The following INTS6L variants were observed in gnomAD, a reference collection of about 807,000 sequenced individuals.
INTS6L encodes the protein integrator complex subunit 6-like.
A neutral mutation model predicts 64.7 loss-of-function variants in INTS6L; 18 were observed. That is an observed-to-expected ratio of 0.28 (90% CI 0.19 to 0.41). The LOEUF (loss-of-function observed/expected upper bound fraction) is 0.41. INTS6L is among the 10% of genes least tolerant of loss of function. The probability of loss-of-function intolerance (pLI) is 1.00; values close to 1 mark genes in which losing one functional copy is unlikely to be tolerated. For synonymous variants in INTS6L, 227 were observed against 235.9 expected (o/e 0.96, Z 0.34); for missense variants, 533 against 661.0 (o/e 0.81, Z 2.12).
intron 9 of INTS6L, among the ~76,000 whole-genome samples, chrX:135,558,892 T>C (rs1352149033): frequency 1.9e-5 from 2 of 106,616 alleles, no homozygotes; most frequent in Non-Finnish European, 3.9e-5. Context: ...TTCAAGTGAC[T>C]CTCCCGCCTC....
intron 3 of INTS6L, 68 bp from the exon 4 acceptor site, chrX:135,546,312 C>G (rs2086354723): frequency 1.5e-6 from 1 of 683,858 alleles, no homozygotes; most frequent in African/African-American, 2.3e-5. Context: ...ATTGGCAAGG[C>G]AAATATAAAA....
chrX:135,579,889 A>G lies in INTS6L; in HGVS notation c.2221A>G (p.Met741Val), dbSNP rs1441770260. The part of the protein sequence containing the change: ...SKSAPSELIN[M>V]TGDLMPPNQV... ...ATCTGCTCCATCAGAGCTTATAAATATGACAGGAGATCTTATGCCACCCAA... is the reference window on the plus strand; with the variant it reads ...ATCTGCTCCATCAGAGCTTATAAATGTGACAGGAGATCTTATGCCACCCAA... Residue 741 changes from methionine to valine, a missense_variant, in exon 16 of 18, where the codon ATG becomes GTG. Coordinates refer to ENST00000639893, the MANE Select transcript of INTS6L (RefSeq NM_001351601.3). 7 of 1,209,899 alleles carry G rather than the reference A, an allele frequency of 5.8e-6. No individual in the cohort carries two copies. In the African/African-American group the frequency reaches 8.8e-5, roughly 15 times the overall value.
intron 7 of INTS6L, among the ~76,000 whole-genome samples, chrX:135,550,430 CTT>C (rs35317599): frequency 6.9e-5 from 6 of 86,833 alleles, no homozygotes; most frequent in African/African-American, 1.3e-4. Context: ...GATCAATTGG[CTT>C]TTTTTTTTTT....
chrX:135,539,127 G>C (rs1351965349), intron 2 of INTS6L, among the ~76,000 whole-genome samples: 1 of 112,113 alleles, frequency 8.9e-6, no homozygotes, highest in Non-Finnish European at 1.9e-5. Context: ...TTGAAGTCAG[G>C]CATTGACTTC....
At chrX:135,550,844 G>A (rs192988496) in intron 7 of INTS6L, among the ~76,000 whole-genome samples, 3 of 111,429 alleles carry the variant, frequency 2.7e-5, no homozygotes, top group East Asian at 5.7e-4. Flanking sequence ...TTCCAAACTC[G>A]AGTACAGGCT....
chrX:135,568,844 C>T (rs2087017981), intron 9 of INTS6L, among the ~76,000 whole-genome samples: 1 of 112,050 alleles, frequency 8.9e-6, no homozygotes, highest in Non-Finnish European at 1.9e-5. Flanking sequence ...CTGCGCCTGG[C>T]CCAAAATATA....
intron 2 of INTS6L, among the ~76,000 whole-genome samples, chrX:135,541,545 A>G (rs2086219632): frequency 8.9e-6 from 1 of 112,332 alleles, no homozygotes; most frequent in Non-Finnish European, 1.9e-5. Flanking sequence ...AAGCCACTGT[A>G]TCAGATAGTG....
intron 9 of INTS6L, among the ~76,000 whole-genome samples, chrX:135,559,501 A>G (rs1368011990): frequency 4.5e-5 from 5 of 112,251 alleles, no homozygotes; most frequent in Non-Finnish European, 9.4e-5. Context: ...TGAGTTTACA[A>G]ACTATGACAT....
intron 2 of INTS6L, among the ~76,000 whole-genome samples, chrX:135,521,808 G>A (rs1443609583): frequency 4.6e-5 from 5 of 108,762 alleles, no homozygotes; most frequent in Non-Finnish European, 7.7e-5. Flanking sequence ...CTGCCGGCCG[G>A]GCGCGCGGGC....
chrX:135,574,674 A>T (rs907589522), intron 13 of INTS6L, among the ~76,000 whole-genome samples: 1 of 112,315 alleles, frequency 8.9e-6, no homozygotes, highest in Admixed American at 9.4e-5. Flanking sequence ...GGGCTTTTCT[A>T]GGAAGAGAAC....
In INTS6L at chrX:135,581,566, T is replaced by C. The variant is rs1556534540; in HGVS notation, c.2627T>C (p.Val876Ala). 3 of 1,210,521 alleles carry C rather than the reference T, an allele frequency of 2.5e-6. No individual in the cohort carries two copies. Among genetic ancestry groups the C allele is most frequent in the East Asian group, 3.0e-5 (1 of 33,838 alleles). Residue 876 changes from valine to alanine, a missense_variant, in exon 18 of 18, where the codon GTA becomes GCA. Coordinates refer to ENST00000639893, the MANE Select transcript of INTS6L (RefSeq NM_001351601.3). ...RRVLIQYLEK[V>A]LEKINSHHLH... is the part of the protein sequence containing the mutation. ...GTCCTAATTCAGTACCTTGAGAAGG[T>C]ACTAGAAAAAATAAATTCCCACCAC...
intron 3 of INTS6L, among the ~76,000 whole-genome samples, chrX:135,545,909 G>C (rs184832541): frequency 9.0e-6 from 1 of 111,504 alleles, no homozygotes; most frequent in Non-Finnish European, 1.9e-5. Flanking sequence ...AAAAGCTCTA[G>C]GATAAGAAGG....
At chrX:135,569,535 C>G (rs1319981338) in intron 10 of INTS6L, 104 bp downstream of exon 10, 3 of 455,518 alleles carry the variant, frequency 6.6e-6, no homozygotes, top group Non-Finnish European at 1.0e-5. Context: ...AGAGAGATAT[C>G]TTTTTATTTT....
intron 3 of INTS6L, among the ~76,000 whole-genome samples, chrX:135,546,145 T>C (rs1248554974): frequency 8.9e-6 from 1 of 112,123 alleles, no homozygotes. Context: ...GGTATTTGAA[T>C]GTTAATGGTT....
intron 9 of INTS6L, among the ~76,000 whole-genome samples, chrX:135,557,903 T>C (rs782405290): frequency 1.8e-5 from 2 of 111,918 alleles, no homozygotes; most frequent in Admixed American, 1.9e-4. Flanking sequence ...TTATAAGGGC[T>C]TAATTTCCAA....
At chrX:135,557,500 C>T (rs1255915699) in intron 9 of INTS6L, among the ~76,000 whole-genome samples, 1 of 111,690 alleles carries the variant, frequency 9.0e-6, no homozygotes, top group African/African-American at 3.3e-5. Flanking sequence ...ACCATCACCT[C>T]ATTCTATGCC....
intron 2 of INTS6L, among the ~76,000 whole-genome samples, chrX:135,523,467 A>G (rs2085651487): frequency 1.8e-5 from 2 of 108,709 alleles, no homozygotes; most frequent in Non-Finnish European, 3.8e-5. Flanking sequence ...GCCAAGAAGG[A>G]TTGTTTAAAG....
intron 5 of INTS6L, 108 bp from the exon 6 acceptor site, chrX:135,547,029 C>T (rs2086375539): frequency 9.0e-7 from 1 of 1,115,417 alleles, no homozygotes; most frequent in South Asian, 2.0e-5. Context: ...ATATTTGCTG[C>T]CAATGTAGTT....
intron 2 of INTS6L, among the ~76,000 whole-genome samples, chrX:135,544,548 T>C (rs1556514180): frequency 9.0e-6 from 1 of 111,130 alleles, no homozygotes; most frequent in African/African-American, 3.3e-5. Context: ...AAGTGGCTGT[T>C]CCACTCTGTT....
Sources: allele counts gnomAD v4.1 joint callset (sites outside exome capture counted in the v4.1 genomes callset), GRCh38; gene constraint gnomAD v4.1.1; transcripts MANE v1.5; gene names NCBI Gene and HGNC (gene_info 2026-07-23, HGNC 2026-07-21).